Variants in TXK observed in about 807,000 individuals in gnomAD.
TXK encodes the protein TXK tyrosine kinase.
A neutral mutation model predicts 81.0 loss-of-function variants in TXK; 60 were observed. That is an observed-to-expected ratio of 0.74 (90% CI 0.60 to 0.92). The LOEUF is 0.92. Among genes scored for constraint, TXK ranks in the 40% least tolerant of loss-of-function variants. The pLI is 0.00. For missense variants in TXK, 581 were observed against 638.3 expected, an observed-to-expected ratio of 0.91 and a Z score of 0.97; for synonymous variants, 203 against 210.7, an observed-to-expected ratio of 0.96 and a Z score of 0.32.
chr4:48,100,171 C>CAAA (rs11341305), intron 6 of TXK, among the ~76,000 whole-genome samples: 10,251 of 53,886 alleles, frequency 0.19, 1,478 homozygotes, highest in Non-Finnish European at 0.25. Flanking sequence ...GACTCCATCT[C>CAAA]AAAAAAAAAA....
intron 10 of TXK, among the ~76,000 whole-genome samples, chr4:48,080,480 A>C (rs1717256584): frequency 6.6e-6 from 1 of 152,080 alleles, no homozygotes; most frequent in Non-Finnish European, 1.5e-5. Flanking sequence ...TTGAATTCCA[A>C]CTTTCTTACC....
At chr4:48,090,005 A>C (rs886954962) in intron 8 of TXK, among the ~76,000 whole-genome samples, 181 bp from the exon 9 acceptor site, 2 of 152,218 alleles carry the variant, frequency 1.3e-5, no homozygotes, top group African/African-American at 2.4e-5. Flanking sequence ...CTCATTGTAT[A>C]CAATTTAAAG....
At chr4:48,068,083 T>A (rs956389068) in intron 14 of TXK, among the ~76,000 whole-genome samples, 1 of 152,226 alleles carries the variant, frequency 6.6e-6, no homozygotes, top group Non-Finnish European at 1.5e-5. Context: ...ACTAGCCACA[T>A]GTGGCTATTT....
chr4:48,068,434 TG>T (rs1170907635), intron 14 of TXK, among the ~76,000 whole-genome samples: 3 of 152,186 alleles, frequency 2.0e-5, no homozygotes, highest in Admixed American at 2.0e-4. Context: ...TTGAAGGTCT[TG>T]GGGCACAGGT....
chr4:48,108,405 CT>C (rs1002927931), intron 5 of TXK, among the ~76,000 whole-genome samples: 1 of 152,174 alleles, frequency 6.6e-6, no homozygotes, highest in Non-Finnish European at 1.5e-5. Flanking sequence ...ACTATTTTCT[CT>C]GCTTTTCAGA....
At chr4:48,109,874 G>C (rs79738733) in intron 5 of TXK, among the ~76,000 whole-genome samples, 5,064 of 152,246 alleles carry the variant, frequency 0.033, 132 homozygotes, top group Middle Eastern at 0.099. Context: ...GGAAGCATAT[G>C]CTAATTTTAA....
intron 5 of TXK, 140 bp from the exon 6 acceptor site, chr4:48,105,095 A>G (rs1209115045): frequency 3.6e-6 from 2 of 559,374 alleles, no homozygotes; most frequent in East Asian, 3.2e-5. Context: ...CAGATAAACA[A>G]TAATATACTA....
chr4:48,079,625 C>G (rs1293239985), intron 11 of TXK, among the ~76,000 whole-genome samples: 1 of 152,206 alleles, frequency 6.6e-6, no homozygotes, highest in Non-Finnish European at 1.5e-5. Context: ...CTCCAGTCTC[C>G]TGCACAGCCG....
chr4:48,129,453 T>A (rs898491115), intron 1 of TXK, among the ~76,000 whole-genome samples: 22 of 152,154 alleles, frequency 1.4e-4, no homozygotes, highest in African/African-American at 5.1e-4. Context: ...GACACCAAAC[T>A]GATCAATTTG....
chr4:48,087,821 A>G (rs2109422785), intron 9 of TXK, among the ~76,000 whole-genome samples: 1 of 152,330 alleles, frequency 6.6e-6, no homozygotes, highest in East Asian at 1.9e-4. Flanking sequence ...TATAACCACA[A>G]AGAAAAATAT....
Position 48,067,014 on chromosome 4 carries a change from T to C in TXK, c.*623A>G, listed in dbSNP as rs1254446032. 1 of 152,272 alleles carries C rather than the reference T, an allele frequency of 6.6e-6. No individual in the cohort carries two copies. Among genetic ancestry groups the C allele is most frequent in the Non-Finnish European group, 1.5e-5 (1 of 68,088 alleles). The allele number at this position is 152,272 out of a possible 1,614,324, so 9.4% of individuals were successfully genotyped here. A position where few individuals can be genotyped will look rare whatever the true frequency, so the allele number is the denominator to read the frequency against. On this transcript the variant is annotated 3_prime_UTR_variant, in exon 15 of 15. Coordinates refer to ENST00000264316, the MANE Select transcript of TXK (RefSeq NM_003328.3). ...CTTTGGCTACATTTTATAACAGTGT[T>C]TAAAACTCGAATGCAAAAAACTGCT...
At chr4:48,104,824 A>G (rs1718398642) in intron 6 of TXK, 77 bp downstream of exon 6, 4 of 1,100,312 alleles carry the variant, frequency 3.6e-6, no homozygotes, top group Middle Eastern at 2.2e-4. Context: ...AAGAAATAAT[A>G]TACTTTTTTA....
intron 1 of TXK, among the ~76,000 whole-genome samples, chr4:48,121,525 T>C (rs1718961736): frequency 1.3e-5 from 2 of 152,222 alleles, no homozygotes; most frequent in Admixed American, 6.5e-5. Context: ...TCAAAATCCA[T>C]AGATGCTTAA....
chr4:48,069,589 G>C (rs1235256213), intron 14 of TXK, among the ~76,000 whole-genome samples: 1 of 152,034 alleles, frequency 6.6e-6, no homozygotes, highest in Admixed American at 6.6e-5. Context: ...GCCTCCCAAA[G>C]TGCTGGGATT....
At chr4:48,134,070 G>GAA in intron 1 of TXK, 85 bp downstream of exon 1, 45 of 1,354,426 alleles carry the variant, frequency 3.3e-5, no homozygotes, top group Admixed American at 1.7e-4. Flanking sequence ...CTATGCCTTG[G>GAA]AAAAAAAAAA....
intron 1 of TXK, among the ~76,000 whole-genome samples, chr4:48,117,089 T>C (rs1213706332): frequency 6.6e-6 from 1 of 152,206 alleles, no homozygotes; most frequent in Non-Finnish European, 1.5e-5. Context: ...GATTTCACCA[T>C]GTTGGCCAGC....
At chr4:48,090,712 A>G (rs1442037238) in intron 8 of TXK, among the ~76,000 whole-genome samples, 2 of 152,230 alleles carry the variant, frequency 1.3e-5, no homozygotes, top group African/African-American at 4.8e-5. Context: ...TCATGATTAC[A>G]TTCTAGTGAG....
chr4:48,071,956 C>CTTT lies in TXK; in HGVS notation c.1358-285_1358-283dup, dbSNP rs33963487. Among the ~76,000 whole-genome samples the CTTT allele has an allele frequency of 1.7e-4, 24 of 137,676 alleles. 4 individuals carry two copies. The highest frequency in any genetic ancestry group is 4.6e-4 in the South Asian group (2 of 4,394). The allele number at this position is 137,676 out of a possible 152,430, so 90.3% of individuals were successfully genotyped here. A position where few individuals can be genotyped will look rare whatever the true frequency, so the allele number is the denominator to read the frequency against. Reference sequence around the variant, plus strand: ...GAAAATGCCAGTAGCATTTTCTTTTCTTTTTTTTTTTTTTTGAGACAGGGT... The same window carrying CTTT: ...GAAAATGCCAGTAGCATTTTCTTTTCTTTTTTTTTTTTTTTTTTGAGACAGGGT... On this transcript the variant is annotated intron_variant, in intron 13 of 14. Transcript: ENST00000264316.
At chr4:48,117,649 G>A (rs1377860274) in intron 1 of TXK, among the ~76,000 whole-genome samples, 2 of 152,206 alleles carry the variant, frequency 1.3e-5, no homozygotes, top group African/African-American at 4.8e-5. Context: ...CAATACTCTA[G>A]TGCATTATTA....
Sources: gnomAD v4.1 joint callset for allele counts (sites outside exome capture counted in the v4.1 genomes callset) on GRCh38, gnomAD v4.1.1 for gene constraint, MANE v1.5 for transcripts, NCBI Gene and HGNC (gene_info 2026-07-23, HGNC 2026-07-21) for gene names.